Variants in ABR observed in about 807,000 individuals in gnomAD.
The protein encoded by ABR is active breakpoint cluster region-related protein.
A neutral mutation model predicts 107.2 loss-of-function variants in ABR; 35 were observed. The ratio of observed to expected loss-of-function variants is 0.33; its 90% CI spans 0.25 to 0.43. The LOEUF is 0.43. ABR is among the 20% of genes least tolerant of loss of function. ABR has a pLI of 1.00. For synonymous variants in ABR, 498 were observed against 462.0 expected, an observed-to-expected ratio of 1.08 and a Z score of -1.00; for missense variants, 815 against 1,115.2, an observed-to-expected ratio of 0.73 and a Z score of 3.83.
chr17:1,176,015 T>C (rs1181011357), intron 1 of ABR, among the ~76,000 whole-genome samples: 2 of 151,554 alleles, frequency 1.3e-5, no homozygotes, highest in African/African-American at 2.4e-5. Flanking sequence ...GGCGTGAACC[T>C]GGGAGGTGGA....
At chr17:1,113,659 C>T (rs1225365998) in intron 2 of ABR, among the ~76,000 whole-genome samples, 4 of 152,138 alleles carry the variant, frequency 2.6e-5, no homozygotes, top group African/African-American at 4.8e-5. Flanking sequence ...CCGTTGGCTG[C>T]GTCAGATGTG....
intron 1 of ABR, among the ~76,000 whole-genome samples, chr17:1,168,892 G>A (rs2151591557): frequency 6.6e-6 from 1 of 152,344 alleles, no homozygotes; most frequent in East Asian, 1.9e-4. Flanking sequence ...GGCACTTGGT[G>A]CCCCAGCTCA....
intron 16 of ABR, among the ~76,000 whole-genome samples, chr17:1,024,414 G>A (rs949796378): frequency 6.6e-6 from 1 of 152,204 alleles, no homozygotes; most frequent in African/African-American, 2.4e-5. Flanking sequence ...TGAGTGGCCG[G>A]GGTCTGAACG....
intron 2 of ABR, chr17:1,101,049 C>T (rs1168544962): frequency 1.1e-5 from 4 of 352,436 alleles, no homozygotes; most frequent in East Asian, 5.7e-5. Context: ...ATATAGAACT[C>T]CTGACCTCAG....
At chr17:1,042,576 G>A (rs1356154575) in intron 16 of ABR, among the ~76,000 whole-genome samples, 1 of 76,570 alleles carries the variant, frequency 1.3e-5, no homozygotes, top group Non-Finnish European at 3.0e-5. Context: ...AAACAGACAT[G>A]GCACCTACGT....
At chr17:1,174,697 A>G (rs1462695777) in intron 1 of ABR, among the ~76,000 whole-genome samples, 1 of 152,220 alleles carries the variant, frequency 6.6e-6, no homozygotes, top group African/African-American at 2.4e-5. Flanking sequence ...ATGACGGCCA[A>G]GCCACTGCAG....
chr17:1,051,167 C>T lies in ABR; in HGVS notation c.1562-533G>A, dbSNP rs966804942. Among the ~76,000 whole-genome samples the T allele has an allele frequency of 6.6e-6, 1 of 152,190 alleles. No homozygotes were observed. The highest frequency in any genetic ancestry group is 1.5e-5 in the Non-Finnish European group (1 of 68,038). ...CATCCCCTGCCGCGGTGACGACCAA[C>T]AACGCCCACATCCCCAAGCCCAGGG... On this transcript the variant is annotated intron_variant, in intron 14 of 22. Transcript: ENST00000302538. The surrounding 1 kb of genome is among the most constrained non-coding windows in gnomAD (Gnocchi z 4.3).
rs2260059 is a variant in ABR at position 1,047,327 on chromosome 17, G to T, written c.1791+2723C>A. ...GAGTGAAGGCAGAGACAAGCTGTGGGGACAGACCGTTCCGTGGCTCCGTGG... is the reference window on the plus strand; with the variant it reads ...GAGTGAAGGCAGAGACAAGCTGTGGTGACAGACCGTTCCGTGGCTCCGTGG... On this transcript the variant is annotated intron_variant, in intron 16 of 22. Coordinates refer to ENST00000302538, the MANE Select transcript of ABR (RefSeq NM_021962.5). Among the ~76,000 whole-genome samples the T allele has an allele frequency of 1.7e-3, 257 of 152,262 alleles. 1 individual carries two copies. Among genetic ancestry groups the T allele is most frequent in the Non-Finnish European group, 2.9e-3 (194 of 68,006 alleles).
In ABR at chr17:1,005,990, G is replaced by A. The variant is rs926593577; in HGVS notation, c.*90C>T. On this transcript the variant is annotated 3_prime_UTR_variant, in exon 23 of 23. Transcript: ENST00000302538. ...CTCGAGTCTGGAGTGCTGGGTTTGG[G>A]AGTTTTCTATTGCAGTCTTTCAAGT... is the stretch of plus-strand genomic sequence containing the variant. 2.5e-6 allele frequency: 3 copies of A among 1,210,984 alleles called. No individual in the cohort carries two copies. Among genetic ancestry groups the A allele is most frequent in the Non-Finnish European group, 3.6e-6 (3 of 839,560 alleles). The allele number at this position is 1,210,984 out of a possible 1,614,324, so 75.0% of individuals were successfully genotyped here. A position where few individuals can be genotyped will look rare whatever the true frequency, so the allele number is the denominator to read the frequency against.
At chr17:1,086,384 A>C (rs1324727239) in intron 4 of ABR, among the ~76,000 whole-genome samples, 1 of 152,238 alleles carries the variant, frequency 6.6e-6, no homozygotes, top group African/African-American at 2.4e-5. Context: ...ATTTACACAT[A>C]GCATTGCTGA....
rs185556555 is a variant in ABR at position 1,161,041 on chromosome 17, C to T, written c.61+18626G>A. ...CCTGCTAAATATCTATGTGGATTCC[C>T]GTTCCAAGGACACCATCCCTTCTCA... is the stretch of plus-strand genomic sequence containing the variant. On this transcript the variant is annotated intron_variant, in intron 1 of 22. Coordinates refer to ENST00000302538, the MANE Select transcript of ABR (RefSeq NM_021962.5). 4.2e-4 allele frequency among the ~76,000 whole-genome samples: 64 copies of T among 152,222 alleles called. 1 individual carries two copies. The highest frequency in any genetic ancestry group is 3.7e-3 in the Admixed American group (57 of 15,286).
Position 1,160,813 on chromosome 17 carries a change from C to A in ABR, c.61+18854G>T, listed in dbSNP as rs2041256703. On this transcript the variant is annotated intron_variant, in intron 1 of 22. Coordinates refer to ENST00000302538, the MANE Select transcript of ABR (RefSeq NM_021962.5). ...GACGTGGCGCATCTGAGAACCTATTCTACCGTGAATTATTAACACTTTTCA... is the reference window on the plus strand; with the variant it reads ...GACGTGGCGCATCTGAGAACCTATTATACCGTGAATTATTAACACTTTTCA... Among the ~76,000 whole-genome samples the A allele has an allele frequency of 3.3e-5, 5 of 152,222 alleles. No individual in the cohort carries two copies. The South Asian group carries it at 1.0e-3, about 32-fold the overall frequency.
chr17:1,067,494 C>G (rs952445255), intron 9 of ABR, among the ~76,000 whole-genome samples: 3 of 152,246 alleles, frequency 2.0e-5, no homozygotes, highest in African/African-American at 7.2e-5. Flanking sequence ...GCCCAGATGA[C>G]TCATGTTGTC....
rs1470604455 is a variant in ABR, at chr17:1,050,805, C to T, written c.1562-171G>A. On this transcript the variant is annotated intron_variant, in intron 14 of 22. Coordinates refer to ENST00000302538, the MANE Select transcript of ABR (RefSeq NM_021962.5). This position sits in a 1 kb window ranked among gnomAD's most constrained non-coding sequence, Gnocchi z 4.6. ...CGGGACCATCTGGCTTCTCCCCTGCCCCCTTCTTAGGGGCTCAGCCCTCCC... is the reference window on the plus strand; with the variant it reads ...CGGGACCATCTGGCTTCTCCCCTGCTCCCTTCTTAGGGGCTCAGCCCTCCC... 1.3e-5 allele frequency among the ~76,000 whole-genome samples: 2 copies of T among 152,004 alleles called. No homozygotes were observed. Among genetic ancestry groups the T allele is most frequent in the Non-Finnish European group, 2.9e-5 (2 of 67,984 alleles).
chr17:1,134,822 C>A (rs2151479637), intron 1 of ABR, among the ~76,000 whole-genome samples: 1 of 152,364 alleles, frequency 6.6e-6, no homozygotes, highest in South Asian at 2.1e-4. Flanking sequence ...CGCTCTGGCA[C>A]TTCCTAACCT....
intron 16 of ABR, among the ~76,000 whole-genome samples, chr17:1,023,769 A>C (rs1288829628): frequency 6.6e-6 from 1 of 152,150 alleles, no homozygotes; most frequent in Non-Finnish European, 1.5e-5. Flanking sequence ...TCACACCTGT[A>C]ATCCCAGCAC....
At chr17:1,024,358 C>T (rs945731265) in intron 16 of ABR, among the ~76,000 whole-genome samples, 5 of 152,250 alleles carry the variant, frequency 3.3e-5, no homozygotes, top group South Asian at 2.1e-4. Context: ...CAACCCCAAC[C>T]GGCCACGGAA....
rs964636946 is a variant in ABR at position 1,148,134 on chromosome 17, G to C, written c.62-22767C>G. ...GAGTGAAGTAAGCCCAAAGGTTGTC[G>C]GGGAAATACCCGCATTCCTAAGAGC... On this transcript the variant is annotated intron_variant, in intron 1 of 22. Transcript: ENST00000302538. The surrounding 1 kb of genome is among the most constrained non-coding windows in gnomAD (Gnocchi z 4.9). Among the ~76,000 whole-genome samples, 1 of 152,180 alleles carries C rather than the reference G, an allele frequency of 6.6e-6. No individual in the cohort carries two copies. The highest frequency in any genetic ancestry group is 1.5e-5 in the Non-Finnish European group (1 of 68,032).
chr17:1,120,612 T>C, intron 2 of ABR, among the ~76,000 whole-genome samples: 1 of 152,300 alleles, frequency 6.6e-6, no homozygotes. Flanking sequence ...TCCACCCTTA[T>C]CTTTGGGTTC....
Sources: allele counts gnomAD v4.1 joint callset (sites outside exome capture counted in the v4.1 genomes callset), GRCh38; gene constraint gnomAD v4.1.1; non-coding constraint Gnocchi (gnomAD v3.1); transcripts MANE v1.5; gene names NCBI Gene and HGNC (gene_info 2026-07-23, HGNC 2026-07-21).